RETREG2: variants seen among roughly 807,000 people sequenced by gnomAD.
RETREG2 encodes the protein reticulophagy regulator family member 2, also known as reticulophagy regulator 2.
A neutral mutation model predicts 51.6 loss-of-function variants in RETREG2; 21 were observed. The ratio of observed to expected loss-of-function variants is 0.41; its 90% CI spans 0.29 to 0.59. RETREG2 has a LOEUF of 0.59. Among genes scored for constraint, RETREG2 ranks in the 20% least tolerant of loss-of-function variants. RETREG2 has a pLI of 0.34. For synonymous variants in RETREG2, 339 were observed against 288.6 expected (o/e 1.17, Z -1.77); for missense variants, 674 against 646.0 (o/e 1.04, Z -0.47).
intron 1 of RETREG2, 78 bp downstream of exon 1, chr2:219,178,711 G>A (rs1230722409): frequency 3.6e-6 from 5 of 1,384,008 alleles, no homozygotes; most frequent in Non-Finnish European, 4.7e-6. Context: ...CCCTTTCTGG[G>A]TTATCACTTG....
At chr2:219,178,882 T>C (rs1950231572) in intron 1 of RETREG2, 40 bp from the exon 2 acceptor site, 1 of 1,440,284 alleles carries the variant, frequency 6.9e-7, no homozygotes, top group Non-Finnish European at 9.7e-7. Flanking sequence ...CATGAGCCTG[T>C]CTCACCCACT....
Position 219,183,014 on chromosome 2 carries a change from C to A in RETREG2, c.*385C>A, listed in dbSNP as rs181532896. 41 of 234,416 alleles carry A rather than the reference C, an allele frequency of 1.7e-4. No individual in the cohort carries two copies. The highest frequency in any genetic ancestry group is 8.2e-4 in the African/African-American group (37 of 45,380). 14.5% of individuals were successfully genotyped at this position (234,416 alleles called of 1,614,324 possible). On this transcript the variant is annotated 3_prime_UTR_variant, in exon 9 of 9. Transcript: ENST00000430297. ...GACCTGTGCTGCTCTGCCCTCATGT[C>A]CCACTTGGTTGTTTAGTTGAGGCAC...
Position 219,182,292 on chromosome 2 carries a change from C to G in RETREG2, c.1295C>G (p.Thr432Arg). Residue 432 changes from threonine (T) to arginine (R), a missense_variant, in exon 9 of 9, where the codon ACA (threonine) becomes AGA (arginine). Thr to Arg is a moderately conservative substitution (Grantham distance 71, BLOSUM62 -1). Transcript: ENST00000430297. ...TGCTCCCCTGGAGGACCAGTGGAGA[C>G]ACTGAGCCCCGAGACAGTGAGTGGT... ...VKCSPGGPVETLSPETVSGGL... is the reference protein window; with the variant it reads ...VKCSPGGPVERLSPETVSGGL... 4 of 1,614,160 alleles carry G rather than the reference C, an allele frequency of 2.5e-6. No homozygotes were observed. Among genetic ancestry groups the G allele is most frequent in the Non-Finnish European group, 3.4e-6 (4 of 1,180,016 alleles).
chr2:219,180,334 G>A (rs934667020), intron 4 of RETREG2, 89 bp downstream of exon 4: 32 of 1,522,872 alleles, frequency 2.1e-5, no homozygotes, highest in Non-Finnish European at 2.4e-5. Flanking sequence ...TAAACTCCCC[G>A]CTTGGAGACC....
intron 5 of RETREG2, 77 bp downstream of exon 5, chr2:219,180,831 A>G (rs746807346): frequency 4.7e-5 from 70 of 1,494,048 alleles, no homozygotes; most frequent in Non-Finnish European, 6.0e-5. Flanking sequence ...AGGGAAGACT[A>G]TGCTCTCTCT....
At chr2:219,178,884 T>G in intron 1 of RETREG2, 38 bp from the exon 2 acceptor site, 1 of 1,452,932 alleles carries the variant, frequency 6.9e-7, no homozygotes, top group Non-Finnish European at 9.6e-7. Flanking sequence ...TGAGCCTGTC[T>G]CACCCACTCA....
intron 2 of RETREG2, among the ~76,000 whole-genome samples, chr2:219,179,239 C>G (rs1023808831): frequency 5.4e-4 from 82 of 152,342 alleles, no homozygotes; most frequent in South Asian, 8.3e-4. Flanking sequence ...ATGGTGAAGT[C>G]TGCAGCCATA....
Position 219,182,328 on chromosome 2 carries a change from C to T in RETREG2, c.1331C>T (p.Ala444Val), listed in dbSNP as rs1405367590. The change falls in exon 9 of 9, where the codon GCT becomes GTT. Residue 444 changes from alanine to valine, a missense_variant. Ala to Val is a moderately conservative substitution (Grantham distance 64, BLOSUM62 0). Transcript: ENST00000430297. ...SPETVSGGLTALPGTLSPPLC... is the reference protein window; with the variant it reads ...SPETVSGGLTVLPGTLSPPLC... ...GAGACAGTGAGTGGTGGCCTCACTG[C>T]TCTGCCCGGCACCCTGTCACCTCCA... 2 of 1,614,108 alleles carry T rather than the reference C, an allele frequency of 1.2e-6. No individual in the cohort carries two copies. The highest frequency in any genetic ancestry group is 2.2e-5 in the South Asian group (2 of 91,084).
At position 219,182,120 on chromosome 2, in the gene RETREG2, C is replaced by T. The variant is rs750784706; in HGVS notation, c.1123C>T (p.Pro375Ser). Residue 375 changes from proline to serine, a missense_variant, in exon 9 of 9, where the codon CCT becomes TCT. Physicochemically the swap from Pro to Ser is moderately conservative, Grantham distance 74. Coordinates refer to ENST00000430297, the MANE Select transcript of RETREG2 (RefSeq NM_024293.6). ...CCCTCCCGAAGACCTACTAGGCCGT[C>T]CTCAAGCTCTGTCAAGGCAAGCCCT... ...LAPPEDLLGRPQALSRQALDS... is the reference protein window; with the variant it reads ...LAPPEDLLGRSQALSRQALDS... 2.0e-5 allele frequency: 32 copies of T among 1,614,036 alleles called. No individual in the cohort carries two copies. Among genetic ancestry groups the T allele is most frequent in the African/African-American group, 2.7e-5 (2 of 74,892 alleles).
rs568861639 is a variant in RETREG2, at chr2:219,180,869, C to T, written c.640+115C>T. 58 of 1,369,024 alleles carry T rather than the reference C, an allele frequency of 4.2e-5. No homozygotes were observed. In the South Asian group the frequency reaches 6.5e-4, roughly 15 times the overall value. The allele number at this position is 1,369,024 out of a possible 1,614,324, so 84.8% of individuals were successfully genotyped here. ...TCAGTTTCTGATTTGTGGAGATCTCCAGGGATGCTTTAGTATTAGTAACTG... is the reference window on the plus strand; with the variant it reads ...TCAGTTTCTGATTTGTGGAGATCTCTAGGGATGCTTTAGTATTAGTAACTG... On this transcript the variant is annotated intron_variant, in intron 5 of 8. Transcript: ENST00000430297.
chr2:219,178,811 G>A (rs1477318389), intron 1 of RETREG2, 111 bp from the exon 2 acceptor site: 33 of 1,104,608 alleles, frequency 3.0e-5, no homozygotes, highest in Non-Finnish European at 3.9e-5. Flanking sequence ...TGAGTCGCGA[G>A]TTAGGCCTGG....
At position 219,178,289 on chromosome 2, in the gene RETREG2, GC is replaced by G. The variant is rs964927786; in HGVS notation, c.-59del. 16 of 363,728 alleles carry G rather than the reference GC, an allele frequency of 4.4e-5. No homozygotes were observed. The highest frequency in any genetic ancestry group is 7.4e-5 in the Non-Finnish European group (15 of 203,908). The allele number at this position is 363,728 out of a possible 1,614,324, so 22.5% of individuals were successfully genotyped here. On this transcript the variant is annotated 5_prime_UTR_variant, in exon 1 of 9. Coordinates refer to ENST00000430297, the MANE Select transcript of RETREG2 (RefSeq NM_024293.6). ...CGCGGCGCCCCCTTCCGCCTGACGCGCCCCCGGCGGCGGCCGCGCAGCCCTG... is the reference window on the plus strand; with the variant it reads ...CGCGGCGCCCCCTTCCGCCTGACGCGCCCCGGCGGCGGCCGCGCAGCCCTG...
Position 219,178,392 on chromosome 2 carries a change from G to C in RETREG2, c.40G>C (p.Gly14Arg). The C allele has an allele frequency of 4.0e-6, 2 of 496,652 alleles. No homozygotes were observed. Among genetic ancestry groups the C allele is most frequent in the Non-Finnish European group, 3.5e-6 (1 of 287,084 alleles). 30.8% of individuals were successfully genotyped at this position (496,652 alleles called of 1,614,324 possible). ...GGGGGNTGAG[G>R]GPGMGLSLGL... Reference sequence around the variant, plus strand: ...TGGCGGGGGTAACACTGGCGCGGGTGGGGGGCCGGGGATGGGCCTGAGCCT... The same window carrying C: ...TGGCGGGGGTAACACTGGCGCGGGTCGGGGGCCGGGGATGGGCCTGAGCCT... The change falls in exon 1 of 9, where the codon GGG becomes CGG. Residue 14 changes from glycine (G) to arginine (R), a missense_variant. Coordinates refer to ENST00000430297, the MANE Select transcript of RETREG2 (RefSeq NM_024293.6).
In RETREG2 at chr2:219,182,569, G is replaced by A. The variant is rs1231627005; in HGVS notation, c.1572G>A (p.Gly524=). The part of the protein sequence containing the change: ...PPKPPDAPPL[G]PDIHSLVQSD... ...AACCCCCTGATGCTCCACCCCTGGGGCCCGACATCCATTCTCTGGTACAGT... is the reference window on the plus strand; with the variant it reads ...AACCCCCTGATGCTCCACCCCTGGGACCCGACATCCATTCTCTGGTACAGT... The change falls in exon 9 of 9, where the codon GGG becomes GGA. Residue 524 remains glycine, a synonymous_variant. Coordinates refer to ENST00000430297, the MANE Select transcript of RETREG2 (RefSeq NM_024293.6). 6 of 1,614,172 alleles carry A rather than the reference G, an allele frequency of 3.7e-6. No homozygotes were observed. Among genetic ancestry groups the A allele is most frequent in the Non-Finnish European group, 5.1e-6 (6 of 1,180,038 alleles).
At chr2:219,181,936 C>T in intron 8 of RETREG2, 77 bp from the exon 9 acceptor site, 3 of 1,568,192 alleles carry the variant, frequency 1.9e-6, no homozygotes, top group African/African-American at 1.4e-5. Context: ...CTTGAGTTCT[C>T]ATCCTTGAAC....
In RETREG2 at chr2:219,182,828, T is replaced by C; in HGVS notation, c.*199T>C. Reference sequence around the variant, plus strand: ...CAGTACCTGTGCCTAGGATTGGTTTTAAATTTGTAAATAATTTTCCATTTG... The same window carrying C: ...CAGTACCTGTGCCTAGGATTGGTTTCAAATTTGTAAATAATTTTCCATTTG... On this transcript the variant is annotated 3_prime_UTR_variant, in exon 9 of 9. Transcript: ENST00000430297. The C allele has an allele frequency of 1.6e-6, 1 of 625,942 alleles. No individual in the cohort carries two copies. Among genetic ancestry groups the C allele is most frequent in the Non-Finnish European group, 2.8e-6 (1 of 362,904 alleles). The allele number at this position is 625,942 out of a possible 1,614,324, so 38.8% of individuals were successfully genotyped here.
In RETREG2 at chr2:219,182,211, T is replaced by C; in HGVS notation, c.1214T>C (p.Leu405Pro). Residue 405 changes from leucine (L) to proline (P), a missense_variant, in exon 9 of 9, where the codon CTC (leucine) becomes CCC (proline). Transcript: ENST00000430297. ...ACCTTGTTGCGGCTCTCATCCCCCCTCCACTTTGTGAACACGCACTTCAAT... is the reference window on the plus strand; with the variant it reads ...ACCTTGTTGCGGCTCTCATCCCCCCCCCACTTTGTGAACACGCACTTCAAT... The part of the protein sequence containing the change: ...KETLLRLSSP[L>P]HFVNTHFNGA... 6.2e-7 allele frequency: 1 copy of C among 1,613,952 alleles called. No individual in the cohort carries two copies.
intron 2 of RETREG2, among the ~76,000 whole-genome samples, 172 bp downstream of exon 2, chr2:219,179,200 C>T (rs1048076966): frequency 2.0e-5 from 3 of 152,212 alleles, no homozygotes; most frequent in African/African-American, 7.2e-5. Flanking sequence ...CTTTCCCAAA[C>T]TAATACTACT....
rs1018872365 is a variant in RETREG2 at position 219,184,061 on chromosome 2, T to C, written c.*1432T>C. 2.6e-5 allele frequency: 4 copies of C among 152,262 alleles called. No homozygotes were observed. The highest frequency in any genetic ancestry group is 5.9e-5 in the Non-Finnish European group (4 of 68,056). 9.4% of individuals were successfully genotyped at this position (152,262 alleles called of 1,614,324 possible). On this transcript the variant is annotated 3_prime_UTR_variant, in exon 9 of 9. Coordinates refer to ENST00000430297, the MANE Select transcript of RETREG2 (RefSeq NM_024293.6). ...ATATACTGTTACTAACTTCATTTTA[T>C]AGACAGGTTAAGCTTCCTGAAGGCC... is the stretch of plus-strand genomic sequence containing the variant.
Sources: allele counts gnomAD v4.1 joint callset (sites outside exome capture counted in the v4.1 genomes callset), GRCh38; gene constraint gnomAD v4.1.1; transcripts MANE v1.5; gene names NCBI Gene and HGNC (gene_info 2026-07-23, HGNC 2026-07-21).